ZDHHC2: variants seen among roughly 807,000 people sequenced by gnomAD.
The protein encoded by ZDHHC2 is palmitoyltransferase ZDHHC2.
A neutral mutation model predicts 55.6 loss-of-function variants in ZDHHC2; 51 were observed. The observed-to-expected ratio is 0.92, with a 90% CI of 0.73 to 1.16. ZDHHC2 has a LOEUF of 1.16. Among genes scored for constraint, ZDHHC2 ranks in the 50% most tolerant of loss-of-function variants. The pLI, the probability that ZDHHC2 is intolerant of heterozygous loss-of-function variation, is 0.00. For missense variants in ZDHHC2, 491 were observed against 442.4 expected (o/e 1.11, Z -0.99); for synonymous variants, 199 against 152.9 (o/e 1.30, Z -2.22).
chr8:17,204,459 A>G (rs1442589972), intron 6 of ZDHHC2, among the ~76,000 whole-genome samples: 1 of 152,254 alleles, frequency 6.6e-6, no homozygotes, highest in East Asian at 1.9e-4. Flanking sequence ...AAGTTACTCA[A>G]CCCATGAAGG....
At chr8:17,194,130 G>A (rs1275734108) in intron 3 of ZDHHC2, among the ~76,000 whole-genome samples, 1 of 152,098 alleles carries the variant, frequency 6.6e-6, no homozygotes, top group African/African-American at 2.4e-5. Flanking sequence ...GTATTCCGTG[G>A]TATGTATGTG....
intron 1 of ZDHHC2, among the ~76,000 whole-genome samples, chr8:17,168,149 C>CT (rs953756979): frequency 2.1e-4 from 32 of 152,128 alleles, no homozygotes; most frequent in African/African-American, 7.7e-4. Context: ...TTTACATTCT[C>CT]TTTCATCTAT....
chr8:17,197,478 C>A, intron 4 of ZDHHC2, 104 bp from the exon 5 acceptor site: 2 of 985,572 alleles, frequency 2.0e-6, no homozygotes, highest in Non-Finnish European at 3.0e-6. Context: ...ATTTAAATTT[C>A]ATATGCTTTT....
intron 3 of ZDHHC2, among the ~76,000 whole-genome samples, chr8:17,188,072 AATTTTAGTCTG>A (rs1283302702): frequency 6.6e-6 from 1 of 152,210 alleles, no homozygotes; most frequent in Non-Finnish European, 1.5e-5. Flanking sequence ...TGAATACCAT[AATTTTAGTCTG>A]TACTTGCATA....
At chr8:17,171,144 G>T (rs1003740560) in intron 1 of ZDHHC2, among the ~76,000 whole-genome samples, 6 of 152,158 alleles carry the variant, frequency 3.9e-5, no homozygotes, top group Non-Finnish European at 7.4e-5. Flanking sequence ...TGGAAAGGAG[G>T]GGGGTGGGGC....
intron 1 of ZDHHC2, among the ~76,000 whole-genome samples, chr8:17,169,360 A>G (rs147857230): frequency 7.3e-5 from 11 of 151,072 alleles, no homozygotes; most frequent in African/African-American, 2.2e-4. Context: ...TGTGTTCCTT[A>G]TGAGAGTGCT....
intron 1 of ZDHHC2, among the ~76,000 whole-genome samples, chr8:17,165,909 A>G (rs1804577702): frequency 6.6e-6 from 1 of 152,210 alleles, no homozygotes; most frequent in African/African-American, 2.4e-5. Flanking sequence ...AGTTTGATTT[A>G]CAAGCACAGA....
intron 1 of ZDHHC2, among the ~76,000 whole-genome samples, chr8:17,174,164 G>A (rs1052949707): frequency 4.0e-5 from 6 of 149,764 alleles, no homozygotes; most frequent in East Asian, 2.0e-4. Flanking sequence ...ATCACAGCTC[G>A]TGCTGCCTCG....
chr8:17,186,079 T>G (rs780738556), intron 2 of ZDHHC2, among the ~76,000 whole-genome samples: 18 of 152,214 alleles, frequency 1.2e-4, no homozygotes, highest in Non-Finnish European at 2.4e-4. Context: ...CAATAGATGG[T>G]CTGTCTACAG....
chr8:17,198,330 T>C, intron 5 of ZDHHC2, 51 bp from the exon 6 acceptor site: 1 of 1,486,328 alleles, frequency 6.7e-7, no homozygotes, highest in Non-Finnish European at 9.1e-7. Context: ...TAATTTAATA[T>C]GATTAAAATT....
chr8:17,189,125 ATG>A lies in ZDHHC2; in HGVS notation c.252+2702_252+2703del, dbSNP rs1463241842. 5.3e-4 allele frequency among the ~76,000 whole-genome samples: 31 copies of A among 58,250 alleles called. 1 individual carries two copies. Among genetic ancestry groups the A allele is most frequent in the Admixed American group, 3.6e-3 (18 of 4,972 alleles). The allele number at this position is 58,250 out of a possible 152,430, so 38.2% of individuals were successfully genotyped here. ...GGGTTTTTTTTTTTGGTGTTTTGTT[ATG>A]TTTTTTTTTTTTTTTTTTTGGCCTC... On this transcript the variant is annotated intron_variant, in intron 3 of 12. Transcript: ENST00000262096.
At position 17,215,355 on chromosome 8, in the gene ZDHHC2, G is replaced by A. The variant is rs1175222041; in HGVS notation, c.1063+6G>A. On this transcript the variant is annotated splice_donor_region_variant and intron_variant, in intron 11 of 12. Transcript: ENST00000262096. ...CCCAGGAAAATGCAAAGCTGGTAAGGGTGTGCTTGTTTGGCTGTTTTTTGA... is the reference window on the plus strand; with the variant it reads ...CCCAGGAAAATGCAAAGCTGGTAAGAGTGTGCTTGTTTGGCTGTTTTTTGA... The A allele has an allele frequency of 1.2e-5, 19 of 1,567,100 alleles. No individual in the cohort carries two copies. The highest frequency in any genetic ancestry group is 1.6e-5 in the Non-Finnish European group (19 of 1,155,160).
intron 4 of ZDHHC2, 36 bp downstream of exon 4, chr8:17,195,660 C>G (rs1397472574): frequency 1.2e-6 from 2 of 1,611,190 alleles, no homozygotes; most frequent in East Asian, 4.5e-5. Flanking sequence ...CAATGGTATG[C>G]AAATAACATC....
intron 6 of ZDHHC2, among the ~76,000 whole-genome samples, chr8:17,201,372 A>T (rs1806752218): frequency 6.6e-6 from 1 of 151,706 alleles, no homozygotes; most frequent in South Asian, 2.1e-4. Context: ...TGAATATATA[A>T]AAAATCTTTT....
rs1035596962 is a variant in ZDHHC2, at chr8:17,210,212, G to A, written c.857+154G>A. The A allele has an allele frequency of 7.4e-5, 81 of 1,091,950 alleles. No homozygotes were observed. In the African/African-American group the frequency reaches 1.1e-3, roughly 15 times the overall value. The allele number at this position is 1,091,950 out of a possible 1,614,324, so 67.6% of individuals were successfully genotyped here. A position where few individuals can be genotyped will look rare whatever the true frequency, so the allele number is the denominator to read the frequency against. ...TATTCTATGATTCACCATAATATCA[G>A]TGTGGAAGTCAGTTAATTCATCATC... On this transcript the variant is annotated intron_variant, in intron 9 of 12. Transcript: ENST00000262096.
At chr8:17,205,381 A>G (rs1243196409) in intron 6 of ZDHHC2, among the ~76,000 whole-genome samples, 1 of 152,224 alleles carries the variant, frequency 6.6e-6, no homozygotes. Flanking sequence ...CTGTGCTTTG[A>G]GGGATGTGCA....
At chr8:17,195,729 A>G (rs1279965828) in intron 4 of ZDHHC2, 105 bp downstream of exon 4, 4 of 1,441,398 alleles carry the variant, frequency 2.8e-6, no homozygotes, top group Non-Finnish European at 3.8e-6. Flanking sequence ...CACTCATTTC[A>G]GAATGCTGTG....
chr8:17,214,410 G>A lies in ZDHHC2; in HGVS notation c.951-827G>A, dbSNP rs979873798. On this transcript the variant is annotated intron_variant, in intron 10 of 12. Transcript: ENST00000262096. ...ATAGAGAAAATTGTGTTCAAGACCAGTTAGGCCACTTTAGAAGCTGTAGGC... is the reference window on the plus strand; with the variant it reads ...ATAGAGAAAATTGTGTTCAAGACCAATTAGGCCACTTTAGAAGCTGTAGGC... 2.6e-5 allele frequency among the ~76,000 whole-genome samples: 4 copies of A among 152,262 alleles called. No individual in the cohort carries two copies. The South Asian group carries it at 8.3e-4, about 32-fold the overall frequency.
rs918628475 is a variant in ZDHHC2, at chr8:17,210,560, A to G, written c.950+80A>G. The G allele has an allele frequency of 8.5e-6, 10 of 1,181,558 alleles. No homozygotes were observed. The African/African-American group carries it at 1.1e-4, about 13-fold the overall frequency. 73.2% of individuals were successfully genotyped at this position (1,181,558 alleles called of 1,614,324 possible). A position where few individuals can be genotyped will look rare whatever the true frequency, so the allele number is the denominator to read the frequency against. On this transcript the variant is annotated intron_variant, in intron 10 of 12. Coordinates refer to ENST00000262096, the MANE Select transcript of ZDHHC2 (RefSeq NM_016353.5). ...TGTCTTTTGGTTATATGTTCCTTTG[A>G]AAAAAAATGAAGACCATAAGAAAAT...
Sources: gnomAD v4.1 joint callset for allele counts (sites outside exome capture counted in the v4.1 genomes callset) on GRCh38, gnomAD v4.1.1 for gene constraint, MANE v1.5 for transcripts, NCBI Gene and HGNC (gene_info 2026-07-23, HGNC 2026-07-21) for gene names.